Variants in CHST11 observed in about 807,000 individuals in gnomAD.
CHST11 encodes carbohydrate sulfotransferase 11.
A neutral mutation model predicts 30.4 loss-of-function variants in CHST11; 9 were observed. The observed-to-expected ratio is 0.30, with a 90% confidence interval of 0.18 to 0.52. The LOEUF is 0.52. Among genes scored for constraint, CHST11 ranks in the 20% least tolerant of loss-of-function variants. CHST11 has a pLI of 0.97. For synonymous variants in CHST11, 152 were observed against 187.8 expected, an observed-to-expected ratio of 0.81 and a Z score of 1.56; for missense variants, 348 against 460.6, an observed-to-expected ratio of 0.76 and a Z score of 2.24.
chr12:104,469,228 C>T (rs2037485585), intron 1 of CHST11, among the ~76,000 whole-genome samples: 1 of 152,160 alleles, frequency 6.6e-6, no homozygotes, highest in Admixed American at 6.5e-5. Context: ...ATGTGCTCAC[C>T]CTCTGTCTGC....
rs185577960 is a variant in CHST11, at chr12:104,523,505, C to A, written c.118+65976C>A. Among the ~76,000 whole-genome samples the A allele has an allele frequency of 1.2e-3, 182 of 152,300 alleles. 1 individual carries two copies. Among genetic ancestry groups the A allele is most frequent in the Non-Finnish European group, 1.8e-3 (121 of 68,020 alleles). The stretch of plus-strand genomic sequence containing the variant: ...ATATATCAGAGAAAGATGAAAAAAA[C>A]CCCAAATCAGGAAATCTGTCCATTT... On this transcript the variant is annotated intron_variant, in intron 1 of 2. Transcript: ENST00000303694.
intron 2 of CHST11, among the ~76,000 whole-genome samples, chr12:104,645,298 C>G (rs977466062): frequency 1.3e-4 from 20 of 152,166 alleles, no homozygotes; most frequent in Admixed American, 5.2e-4. Flanking sequence ...GGCACCCACT[C>G]TGAGCCAGGT....
chr12:104,695,979 G>T (rs537212876), intron 2 of CHST11, among the ~76,000 whole-genome samples: 2 of 152,144 alleles, frequency 1.3e-5, no homozygotes, highest in Non-Finnish European at 2.9e-5. Context: ...CCCCACTTTG[G>T]CAGGGCTGCG....
intron 1 of CHST11, among the ~76,000 whole-genome samples, chr12:104,598,159 G>C (rs1433712771): frequency 5.9e-5 from 9 of 152,208 alleles, no homozygotes; most frequent in Admixed American, 3.3e-4. Flanking sequence ...CATGTGAGGT[G>C]AATATACTCA....
intron 2 of CHST11, among the ~76,000 whole-genome samples, chr12:104,656,518 C>T (rs903419344): frequency 2.0e-5 from 3 of 152,200 alleles, no homozygotes; most frequent in African/African-American, 7.2e-5. Context: ...CGTGTCATCT[C>T]CTATGAAGCC....
chr12:104,631,309 T>A (rs1223381785), intron 2 of CHST11, among the ~76,000 whole-genome samples: 1 of 152,240 alleles, frequency 6.6e-6, no homozygotes, highest in Non-Finnish European at 1.5e-5. Context: ...CCTCATAGTT[T>A]GCATCTGATA....
chr12:104,477,833 A>G (rs2037578293), intron 1 of CHST11, among the ~76,000 whole-genome samples: 1 of 152,238 alleles, frequency 6.6e-6, no homozygotes, highest in Non-Finnish European at 1.5e-5. Flanking sequence ...AGGAAAATGA[A>G]CAATTGCTCT....
chr12:104,645,139 G>C (rs947323787), intron 2 of CHST11, among the ~76,000 whole-genome samples: 7 of 151,664 alleles, frequency 4.6e-5, no homozygotes, highest in Non-Finnish European at 8.8e-5. Context: ...AGTAGAGACG[G>C]GGTTTCACCA....
At chr12:104,660,312 A>G (rs1403763955) in intron 2 of CHST11, among the ~76,000 whole-genome samples, 1 of 152,212 alleles carries the variant, frequency 6.6e-6, no homozygotes, top group Admixed American at 6.5e-5. Context: ...GGAAAGGGCT[A>G]CAGGCTGGGT....
intron 2 of CHST11, among the ~76,000 whole-genome samples, chr12:104,612,198 C>T (rs1240865857): frequency 4.6e-5 from 7 of 152,254 alleles, no homozygotes. Context: ...CAACATACCA[C>T]AGACTGGGTG....
At chr12:104,742,447 C>G (rs1263772753) in intron 2 of CHST11, among the ~76,000 whole-genome samples, 1 of 152,134 alleles carries the variant, frequency 6.6e-6, no homozygotes, top group African/African-American at 2.4e-5. Flanking sequence ...CTGCCAGCAG[C>G]GACTTCCGAG....
chr12:104,623,492 C>T (rs1043577964), intron 2 of CHST11, among the ~76,000 whole-genome samples: 6 of 152,186 alleles, frequency 3.9e-5, no homozygotes, highest in Non-Finnish European at 7.3e-5. Context: ...AGGTGGATCA[C>T]CTGAGGCTGG....
intron 1 of CHST11, among the ~76,000 whole-genome samples, chr12:104,474,447 G>A (rs531849379): frequency 6.6e-6 from 1 of 152,180 alleles, no homozygotes; most frequent in African/African-American, 2.4e-5. Flanking sequence ...CAGGAGGGGA[G>A]CAGCTCAGGG....
At chr12:104,496,757 A>T (rs1270014220) in intron 1 of CHST11, among the ~76,000 whole-genome samples, 1 of 152,184 alleles carries the variant, frequency 6.6e-6, no homozygotes, top group Non-Finnish European at 1.5e-5. Context: ...CAAGACAAAG[A>T]AAATATGAGA....
At chr12:104,663,856 C>T (rs542886786) in intron 2 of CHST11, among the ~76,000 whole-genome samples, 47 of 152,092 alleles carry the variant, frequency 3.1e-4, no homozygotes, top group Non-Finnish European at 6.5e-4. Flanking sequence ...CCCTTTCTTC[C>T]ACCCATCCAT....
chr12:104,640,301 T>C (rs2039363550), intron 2 of CHST11, among the ~76,000 whole-genome samples: 1 of 152,202 alleles, frequency 6.6e-6, no homozygotes, highest in African/African-American at 2.4e-5. Flanking sequence ...GCTTTATTCA[T>C]AATTGCCAAA....
intron 2 of CHST11, among the ~76,000 whole-genome samples, chr12:104,726,330 T>C (rs1475686001): frequency 1.3e-5 from 2 of 152,188 alleles, no homozygotes; most frequent in East Asian, 3.8e-4. Flanking sequence ...GTACATCCCC[T>C]GGTGCAGAGT....
rs141270913 is a variant in CHST11 at position 104,560,928 on chromosome 12, C to T, written c.119-40978C>T. 4.5e-4 allele frequency among the ~76,000 whole-genome samples: 69 copies of T among 152,220 alleles called. 1 individual carries two copies. In the East Asian group the frequency reaches 0.012, roughly 27 times the overall value. On this transcript the variant is annotated intron_variant, in intron 1 of 2. Transcript: ENST00000303694. ...CATTGCTGTGGTCAGCCATGTCTTC[C>T]GGGGACAGAGTCTGCAACAGAAGTG...
chr12:104,550,995 G>A (rs772881760), intron 1 of CHST11, among the ~76,000 whole-genome samples: 7 of 152,010 alleles, frequency 4.6e-5, no homozygotes, highest in Non-Finnish European at 8.8e-5. Flanking sequence ...TGGATAAAGA[G>A]GAAAATAAGG....
Sources: gnomAD v4.1 joint callset for allele counts (sites outside exome capture counted in the v4.1 genomes callset) on GRCh38, gnomAD v4.1.1 for gene constraint, MANE v1.5 for transcripts, NCBI Gene and HGNC (gene_info 2026-07-23, HGNC 2026-07-21) for gene names.